NSMCE2: variants seen among roughly 807,000 people sequenced by gnomAD.
The protein encoded by NSMCE2 is NSE2 SUMO ligase component of SMC5/6 complex.
NSMCE2 carries 24 observed loss-of-function variants against 23.8 expected under a neutral mutation model. The observed-to-expected ratio is 1.01, with a 90% CI of 0.73 to 1.42. The LOEUF is 1.42. Ranked by LOEUF, NSMCE2 falls within the 40% of genes most tolerant of loss-of-function variation. The pLI is 0.00. For missense variants in NSMCE2, 284 were observed against 296.5 expected (o/e 0.96, Z 0.31); for synonymous variants, 92 against 94.1 (o/e 0.98, Z 0.13).
chr8:125,233,084 G>A (rs549532236), intron 5 of NSMCE2, among the ~76,000 whole-genome samples: 3 of 152,290 alleles, frequency 2.0e-5, no homozygotes, highest in Non-Finnish European at 4.4e-5. Flanking sequence ...AATCTGAAGC[G>A]TGGCAGATCA....
chr8:125,216,745 A>T (rs1824605558), intron 5 of NSMCE2, among the ~76,000 whole-genome samples: 1 of 151,648 alleles, frequency 6.6e-6, no homozygotes, highest in Admixed American at 6.6e-5. Context: ...ACCATTCTTC[A>T]CTCTCTCACC....
chr8:125,325,590 G>T (rs1829634898), intron 5 of NSMCE2, among the ~76,000 whole-genome samples: 1 of 152,114 alleles, frequency 6.6e-6, no homozygotes, highest in African/African-American at 2.4e-5. Context: ...CAAGCAATCT[G>T]CCCGCCTCAG....
chr8:125,168,679 T>A (rs567124024), intron 4 of NSMCE2, among the ~76,000 whole-genome samples: 1 of 152,194 alleles, frequency 6.6e-6, no homozygotes, highest in Non-Finnish European at 1.5e-5. Context: ...CGTGCTCTAA[T>A]CTCTTCCCAG....
intron 5 of NSMCE2, among the ~76,000 whole-genome samples, chr8:125,208,615 AAAG>A (rs1824205240): frequency 6.6e-6 from 1 of 152,242 alleles, no homozygotes; most frequent in South Asian, 2.1e-4. Context: ...TGAATTAGAA[AAAG>A]AATAGGAGGA....
At chr8:125,301,287 A>G (rs930076197) in intron 5 of NSMCE2, among the ~76,000 whole-genome samples, 2 of 152,176 alleles carry the variant, frequency 1.3e-5, no homozygotes, top group Non-Finnish European at 2.9e-5. Context: ...AAAGTGGGAC[A>G]GCAAACAGCG....
intron 3 of NSMCE2, among the ~76,000 whole-genome samples, chr8:125,150,626 C>T (rs1389845128): frequency 6.6e-6 from 1 of 151,882 alleles, no homozygotes; most frequent in Admixed American, 6.6e-5. Context: ...AAGTGATCTG[C>T]CTGCCTCGGC....
At chr8:125,130,167 G>T in intron 3 of NSMCE2, 1 of 449,424 alleles carries the variant, frequency 2.2e-6, no homozygotes, top group Non-Finnish European at 4.5e-6. Flanking sequence ...ATGTCTCTCA[G>T]CTGGAGTTTG....
At chr8:125,156,690 A>G (rs1821331758) in intron 4 of NSMCE2, among the ~76,000 whole-genome samples, 1 of 152,202 alleles carries the variant, frequency 6.6e-6, no homozygotes, top group Non-Finnish European at 1.5e-5. Context: ...GAAGAGAAGA[A>G]ATGTACTTGA....
intron 5 of NSMCE2, among the ~76,000 whole-genome samples, chr8:125,191,911 G>T (rs1463117306): frequency 6.6e-6 from 1 of 152,120 alleles, no homozygotes; most frequent in Non-Finnish European, 1.5e-5. Flanking sequence ...TATTTACCCA[G>T]TGTCTCACAG....
At chr8:125,197,190 T>C (rs1823662995) in intron 5 of NSMCE2, among the ~76,000 whole-genome samples, 1 of 152,246 alleles carries the variant, frequency 6.6e-6, no homozygotes. Flanking sequence ...ATGCAGAAGC[T>C]CTTTAGTTTA....
At chr8:125,125,780 G>GTT (rs1474422093) in intron 3 of NSMCE2, among the ~76,000 whole-genome samples, 1 of 152,196 alleles carries the variant, frequency 6.6e-6, no homozygotes, top group Non-Finnish European at 1.5e-5. Flanking sequence ...CAGAGACAAA[G>GTT]GTCTTTATCA....
At chr8:125,195,036 T>TA (rs903959913) in intron 5 of NSMCE2, among the ~76,000 whole-genome samples, 7 of 152,184 alleles carry the variant, frequency 4.6e-5, no homozygotes, top group African/African-American at 1.7e-4. Flanking sequence ...AGAAACTTAT[T>TA]AAAAATATAA....
chr8:125,215,817 T>TG (rs1328204376), intron 5 of NSMCE2, among the ~76,000 whole-genome samples: 3 of 152,248 alleles, frequency 2.0e-5, no homozygotes, highest in Non-Finnish European at 4.4e-5. Context: ...TTGACTATTC[T>TG]GGGTACCTCA....
chr8:125,331,850 G>C (rs1350664874), intron 5 of NSMCE2, among the ~76,000 whole-genome samples: 2 of 152,196 alleles, frequency 1.3e-5, no homozygotes, highest in Non-Finnish European at 2.9e-5. Flanking sequence ...ATTTCGGAAG[G>C]AGCAGTGGAA....
At chr8:125,178,646 G>A (rs954331210) in intron 4 of NSMCE2, among the ~76,000 whole-genome samples, 6 of 152,180 alleles carry the variant, frequency 3.9e-5, no homozygotes, top group East Asian at 1.9e-4. Flanking sequence ...GGAGGCGGGC[G>A]GATCACGAGG....
In NSMCE2 at chr8:125,143,725, C is replaced by T. The variant is rs529116811; in HGVS notation, c.158-7446C>T. On this transcript the variant is annotated intron_variant, in intron 3 of 7. Transcript: ENST00000287437. ...TTTAGGACCAAATTTCAGGAAACAG[C>T]TTGGCCGTGGGCAAAACTATACAGT... 5.9e-5 allele frequency among the ~76,000 whole-genome samples: 9 copies of T among 152,304 alleles called. No homozygotes were observed. The East Asian group carries it at 1.5e-3, about 26-fold the overall frequency.
At chr8:125,118,980 C>T (rs1021642109) in intron 3 of NSMCE2, among the ~76,000 whole-genome samples, 2 of 152,114 alleles carry the variant, frequency 1.3e-5, no homozygotes, top group South Asian at 4.1e-4. Context: ...ACATATTGTG[C>T]GCATAAATTT....
At chr8:125,121,871 G>C (rs957288744) in intron 3 of NSMCE2, among the ~76,000 whole-genome samples, 1 of 152,180 alleles carries the variant, frequency 6.6e-6, no homozygotes. Flanking sequence ...CTCTGAAGGA[G>C]TGGTTTTTGT....
chr8:125,332,760 G>A (rs1829926020), intron 5 of NSMCE2, among the ~76,000 whole-genome samples: 1 of 152,152 alleles, frequency 6.6e-6, no homozygotes, highest in South Asian at 2.1e-4. Context: ...GCTTGCTCAG[G>A]GAGAGGTTCC....
Sources: gnomAD v4.1 joint callset for allele counts (sites outside exome capture counted in the v4.1 genomes callset) on GRCh38, gnomAD v4.1.1 for gene constraint, MANE v1.5 for transcripts, NCBI Gene and HGNC (gene_info 2026-07-23, HGNC 2026-07-21) for gene names.